RIPOR2: variants seen among roughly 807,000 people sequenced by gnomAD.
The protein encoded by RIPOR2 is rho family-interacting cell polarization regulator 2.
Under a neutral mutation model 114.5 loss-of-function variants are expected in RIPOR2, and 39 were observed. That is an observed-to-expected ratio of 0.34 (90% CI 0.26 to 0.44). The LOEUF (loss-of-function observed/expected upper bound fraction) is 0.44. Among genes scored for constraint, RIPOR2 ranks in the 20% least tolerant of loss-of-function variants. RIPOR2 has a pLI of 1.00. For missense variants in RIPOR2, 1,007 were observed against 1,255.1 expected, an observed-to-expected ratio of 0.80 and a Z score of 2.99; for synonymous variants, 445 against 484.4, an observed-to-expected ratio of 0.92 and a Z score of 1.07.
chr6:24,966,511 C>T (rs531692235), intron 1 of RIPOR2, among the ~76,000 whole-genome samples: 27 of 152,224 alleles, frequency 1.8e-4, no homozygotes, highest in African/African-American at 5.8e-4. Context: ...CCTGCCGAGT[C>T]GGGAAATTAT....
At chr6:24,863,319 T>C (rs1764269105) in intron 7 of RIPOR2, among the ~76,000 whole-genome samples, 1 of 152,168 alleles carries the variant, frequency 6.6e-6, no homozygotes, top group South Asian at 2.1e-4. Flanking sequence ...ACTTCTTTCT[T>C]CTCTAAGGCA....
intron 1 of RIPOR2, among the ~76,000 whole-genome samples, chr6:24,961,299 A>T (rs1773294867): frequency 6.6e-6 from 1 of 152,198 alleles, no homozygotes; most frequent in Non-Finnish European, 1.5e-5. Flanking sequence ...TGGAGAAGGG[A>T]GTATTCCAGG....
At position 24,858,260 on chromosome 6, in the gene RIPOR2, G is replaced by A. The variant is rs1489542180; in HGVS notation, c.715+2713C>T. On this transcript the variant is annotated intron_variant, in intron 8 of 21. Coordinates refer to ENST00000643898, the MANE Select transcript of RIPOR2 (RefSeq NM_001286445.3). This position sits in a 1 kb window ranked among gnomAD's most constrained non-coding sequence, Gnocchi z 4.0. Reference sequence around the variant, plus strand: ...GTCATCAGAATGCAGTCAAGTGCCTGGCCAATAGCAGGCACTCAGTAAGTA... The same window carrying A: ...GTCATCAGAATGCAGTCAAGTGCCTAGCCAATAGCAGGCACTCAGTAAGTA... Among the ~76,000 whole-genome samples the A allele has an allele frequency of 1.3e-5, 2 of 152,140 alleles. No individual in the cohort carries two copies. Among genetic ancestry groups the A allele is most frequent in the African/African-American group, 4.8e-5 (2 of 41,432 alleles).
At chr6:24,855,733 T>A (rs531250940) in intron 8 of RIPOR2, among the ~76,000 whole-genome samples, 1 of 152,312 alleles carries the variant, frequency 6.6e-6, no homozygotes, top group South Asian at 2.1e-4. Flanking sequence ...AATAGCCCTG[T>A]TAGTACGCTG....
chr6:24,824,243 C>A (rs1003360299), intron 19 of RIPOR2, among the ~76,000 whole-genome samples: 1 of 152,208 alleles, frequency 6.6e-6, no homozygotes, highest in Non-Finnish European at 1.5e-5. Flanking sequence ...GCCCACAGAA[C>A]AGCTTTTTGA....
At chr6:24,833,620 A>G (rs539019091) in intron 15 of RIPOR2, among the ~76,000 whole-genome samples, 18 of 152,268 alleles carry the variant, frequency 1.2e-4, no homozygotes, top group African/African-American at 4.3e-4. Flanking sequence ...TATTTTGAAA[A>G]TAATTGTAGT....
chr6:24,927,182 T>TACAACTACAATCACCACCACCATCACCAC (rs1350897331), intron 1 of RIPOR2, among the ~76,000 whole-genome samples: 9 of 3,220 alleles, frequency 2.8e-3, no homozygotes, highest in Admixed American at 7.2e-3. Flanking sequence ...ACCACCACCA[T>TACAACTACAATCACCACCACCATCACCAC]GACCACCACC....
At chr6:24,961,404 G>A (rs974705436) in intron 1 of RIPOR2, among the ~76,000 whole-genome samples, 4 of 152,156 alleles carry the variant, frequency 2.6e-5, no homozygotes, top group Non-Finnish European at 5.9e-5. Context: ...CCTAGCTTGT[G>A]AAAAGCCAGG....
intron 1 of RIPOR2, among the ~76,000 whole-genome samples, chr6:24,991,448 C>A (rs1774811351): frequency 6.6e-6 from 1 of 152,140 alleles, no homozygotes; most frequent in Non-Finnish European, 1.5e-5. Flanking sequence ...AGGTACATTG[C>A]AACAAGGTAA....
At position 24,997,829 on chromosome 6, in the gene RIPOR2, C is replaced by G. The variant is rs1341935799; in HGVS notation, c.76+44022G>C. ...AAGCAGTGATTCCCGAAGTGTGGCC[C>G]GTGAGCAGCATCAGCATCATCTGGG... is the stretch of plus-strand genomic sequence containing the variant. On this transcript the variant is annotated intron_variant, in intron 1 of 13. Transcript: ENST00000510784. Among the ~76,000 whole-genome samples, 3 of 152,140 alleles carry G rather than the reference C, an allele frequency of 2.0e-5. No individual in the cohort carries two copies. The South Asian group carries it at 6.2e-4, about 32-fold the overall frequency.
At chr6:24,954,322 T>G (rs2114207815) in intron 1 of RIPOR2, among the ~76,000 whole-genome samples, 1 of 152,238 alleles carries the variant, frequency 6.6e-6, no homozygotes, top group Non-Finnish European at 1.5e-5. Context: ...GAATGTTGAC[T>G]TTAGAAGGGA....
intron 1 of RIPOR2, among the ~76,000 whole-genome samples, chr6:24,956,002 T>C: frequency 2.5e-5 from 2 of 78,984 alleles, no homozygotes; most frequent in Admixed American, 1.3e-4. Context: ...AGAGTGAGAC[T>C]CTGTCTCAAA....
In RIPOR2 at chr6:24,833,700, A is replaced by G. The variant is rs76090248; in HGVS notation, c.2209-1309T>C. On this transcript the variant is annotated intron_variant, in intron 15 of 21. Transcript: ENST00000643898. ...ATATAACTAATAAGTAAGCTCACAC[A>G]TGAATCAACGCAAGCCAGAAGGTAA... is the stretch of plus-strand genomic sequence containing the variant. 8.9e-3 allele frequency among the ~76,000 whole-genome samples: 1,363 copies of G among 152,292 alleles called. 23 individuals are homozygous for G. Among genetic ancestry groups the G allele is most frequent in the African/African-American group, 0.029 (1,200 of 41,560 alleles).
intron 1 of RIPOR2, among the ~76,000 whole-genome samples, chr6:24,921,743 G>A (rs1656859143): frequency 6.6e-6 from 1 of 150,812 alleles, no homozygotes; most frequent in Non-Finnish European, 1.5e-5. Flanking sequence ...CTGGGACTTT[G>A]TTATATTCAC....
intron 18 of RIPOR2, 47 bp from the exon 19 acceptor site, chr6:24,825,475 T>C: frequency 7.6e-7 from 1 of 1,322,940 alleles, no homozygotes; most frequent in South Asian, 1.3e-5. Flanking sequence ...CATGCTAAAG[T>C]AATCAGCTCA....
At chr6:24,945,688 T>C (rs537496547) in intron 1 of RIPOR2, among the ~76,000 whole-genome samples, 1 of 152,300 alleles carries the variant, frequency 6.6e-6, no homozygotes, top group South Asian at 2.1e-4. Flanking sequence ...CTAAACTAGA[T>C]TGCTATAAAT....
intron 2 of RIPOR2, among the ~76,000 whole-genome samples, 166 bp from the exon 3 acceptor site, chr6:24,873,965 C>T: frequency 6.6e-6 from 1 of 152,190 alleles, no homozygotes; most frequent in East Asian, 1.9e-4. Flanking sequence ...CCTTGAACTC[C>T]TGGACTCATG....
chr6:24,995,979 T>G (rs1031423056), intron 1 of RIPOR2, among the ~76,000 whole-genome samples: 1 of 152,086 alleles, frequency 6.6e-6, no homozygotes, highest in Admixed American at 6.6e-5. Context: ...ATTTTTTGTA[T>G]TTTTAGTAGA....
intron 13 of RIPOR2, among the ~76,000 whole-genome samples, chr6:24,841,969 G>A (rs141552975): frequency 6.6e-6 from 1 of 152,144 alleles, no homozygotes; most frequent in Non-Finnish European, 1.5e-5. Flanking sequence ...GTTGGTTCTC[G>A]GCTTGCCCCT....
Sources: gnomAD v4.1 joint callset for allele counts (sites outside exome capture counted in the v4.1 genomes callset) on GRCh38, gnomAD v4.1.1 for gene constraint, Gnocchi (gnomAD v3.1) non-coding constraint, MANE v1.5 for transcripts, NCBI Gene and HGNC (gene_info 2026-07-23, HGNC 2026-07-21) for gene names.